Variants in NEDD1 observed in about 807,000 individuals in gnomAD.
The protein encoded by NEDD1 is protein NEDD1.
A neutral mutation model predicts 74.0 loss-of-function variants in NEDD1; 33 were observed. That is an observed-to-expected ratio of 0.45 (90% CI 0.34 to 0.60). NEDD1 has a LOEUF of 0.60. Among genes scored for constraint, NEDD1 ranks in the 20% least tolerant of loss-of-function variants. The probability of loss-of-function intolerance (pLI) is 0.01; values close to 1 mark genes in which losing one functional copy is unlikely to be tolerated. For missense variants in NEDD1, 746 were observed against 776.5 expected (o/e 0.96, Z 0.47); for synonymous variants, 250 against 264.4 (o/e 0.95, Z 0.53).
At chr12:96,917,584 TTAAATTAAGG>T (rs763840053) in intron 4 of NEDD1, 27 bp from the exon 5 acceptor site, 3 of 1,483,796 alleles carry the variant, frequency 2.0e-6, no homozygotes, top group Non-Finnish European at 1.8e-6. Flanking sequence ...CTGGGCTCTG[TTAAATTAAGG>T]TAACTTTTTT....
intron 14 of NEDD1, among the ~76,000 whole-genome samples, chr12:96,950,832 CTGAG>C (rs570448605): frequency 4.3e-4 from 66 of 151,758 alleles, no homozygotes; most frequent in Non-Finnish European, 7.1e-4. Context: ...TGGTGGGTGA[CTGAG>C]TGTTTCTTTT....
chr12:96,938,842 C>T (rs1234232175), intron 9 of NEDD1, among the ~76,000 whole-genome samples: 3 of 151,194 alleles, frequency 2.0e-5, no homozygotes, highest in Non-Finnish European at 4.4e-5. Context: ...CTCTCACACA[C>T]ACACACATTT....
At chr12:96,937,155 A>T in intron 8 of NEDD1, 43 bp from the exon 9 acceptor site, 1 of 1,134,036 alleles carries the variant, frequency 8.8e-7, no homozygotes, top group South Asian at 1.7e-5. Flanking sequence ...TATAGTATGA[A>T]ACATTAGTAA....
rs1592858793 is a variant in NEDD1 at position 96,913,957 on chromosome 12, A to G, written c.231+1140A>G. ...AGCTCAACTAATTTAAAGAGGACTC[A>G]TGATTTTTATCAATCCTCTCCTAAA... is the stretch of plus-strand genomic sequence containing the variant. On this transcript the variant is annotated intron_variant, in intron 4 of 15. Transcript: ENST00000266742. Among the ~76,000 whole-genome samples, 2 of 152,338 alleles carry G rather than the reference A, an allele frequency of 1.3e-5. 1 individual carries two copies. Among genetic ancestry groups the G allele is most frequent in the Middle Eastern group, 6.8e-3 (2 of 294 alleles).
intron 7 of NEDD1, among the ~76,000 whole-genome samples, chr12:96,935,679 T>C (rs1375717471): frequency 6.6e-6 from 1 of 152,122 alleles, no homozygotes; most frequent in Non-Finnish European, 1.5e-5. Flanking sequence ...CCAGACATTG[T>C]CAGATGTCCC....
Position 96,936,470 on chromosome 12 carries a change from T to C in NEDD1, c.720-141T>C. The C allele has an allele frequency of 1.6e-5, 10 of 612,226 alleles. 1 individual carries two copies. In the South Asian group the frequency reaches 2.0e-4, roughly 13 times the overall value. 37.9% of individuals were successfully genotyped at this position (612,226 alleles called of 1,614,324 possible). ...TAAGTCAAATTCTGAAATTATGCTT[T>C]AAACAAATATTTGGGATATGTGTGC... is the stretch of plus-strand genomic sequence containing the variant. On this transcript the variant is annotated intron_variant, in intron 7 of 15. Transcript: ENST00000266742.
In NEDD1 at chr12:96,907,265, G is replaced by A. The variant is rs1346820742; in HGVS notation, c.-297G>A. 4.2e-6 allele frequency: 1 copy of A among 237,978 alleles called. No homozygotes were observed. The highest frequency in any genetic ancestry group is 8.0e-6 in the Non-Finnish European group (1 of 124,654). 14.7% of individuals were successfully genotyped at this position (237,978 alleles called of 1,614,324 possible). On this transcript the variant is annotated 5_prime_UTR_variant, in exon 1 of 16. Transcript: ENST00000266742. ...GCGGGAGCCGGAAGCCCAGCGCGGA[G>A]CCGGCCGCGGCCCCCTGTTGTGTTG...
intron 1 of NEDD1, 63 bp downstream of exon 1, chr12:96,907,363 A>ATCCTAAGACCCGC (rs1303159092): frequency 4.7e-6 from 2 of 424,242 alleles, no homozygotes; most frequent in African/African-American, 4.2e-5. Context: ...CACCCTCCCG[A>ATCCTAAGACCCGC]TCCTAAGACC....
Position 96,934,977 on chromosome 12 carries a change from C to G in NEDD1, c.491C>G (p.Ser164Cys). The G allele has an allele frequency of 1.1e-5, 18 of 1,571,198 alleles. No individual in the cohort carries two copies. Among genetic ancestry groups the G allele is most frequent in the Non-Finnish European group, 1.6e-5 (18 of 1,141,394 alleles). ...AAATTTATTCTTTCATTTTTATAGT[C>G]TGTTCGGCACTTGAAGTACTCCTTG... ...STPFGHGSNQ[S>C]VRHLKYSLFK... The change falls in exon 7 of 16, where the codon TCT (serine) becomes TGT (cysteine). Residue 164 changes from serine (S) to cysteine (C), a missense_variant and splice_region_variant. By Grantham distance (112) the Ser-to-Cys change is moderately radical. This residue lies in a region of NEDD1 where 706 missense variants were observed against 706.7 expected (regional missense o/e 1.00). Transcript: ENST00000266742.
rs1874618551 is a variant in NEDD1 at position 96,917,716 on chromosome 12, AAG to A, written c.330_331del (p.Arg110SerfsTer6). 1.2e-5 allele frequency: 19 copies of A among 1,560,116 alleles called. No individual in the cohort carries two copies. The highest frequency in any genetic ancestry group is 2.5e-5 in the South Asian group (2 of 79,260). ...TVNIWDLKSK[R>X]VHRSLKDHKD... ...TTAATATTTGGGATTTAAAATCAAA[AAG>A]AGTTCATCGATCTCTTAAGGTAAGC... On this transcript the variant is annotated frameshift_variant, in exon 5 of 16. Transcript: ENST00000266742. LOFTEE classifies it high-confidence loss of function.
chr12:96,948,813 CT>C (rs943560186), intron 14 of NEDD1, among the ~76,000 whole-genome samples: 7 of 152,116 alleles, frequency 4.6e-5, no homozygotes, highest in African/African-American at 1.7e-4. Context: ...TATTCACTGT[CT>C]TTTTTACCTT....
intron 14 of NEDD1, among the ~76,000 whole-genome samples, chr12:96,948,720 G>A (rs1372466751): frequency 6.6e-6 from 1 of 152,052 alleles, no homozygotes; most frequent in African/African-American, 2.4e-5. Context: ...CTAGGTTCAG[G>A]TTTTCTTAGC....
intron 8 of NEDD1, 138 bp from the exon 9 acceptor site, chr12:96,937,059 GA>G (rs1877185778): frequency 2.0e-6 from 1 of 510,204 alleles, no homozygotes; most frequent in Non-Finnish European, 3.3e-6. Flanking sequence ...AATTTAGAGG[GA>G]AACTCAGGTC....
In NEDD1 at chr12:96,936,589, T is replaced by C. The variant is rs745410616; in HGVS notation, c.720-22T>C. 1.5e-5 allele frequency: 23 copies of C among 1,558,472 alleles called. No homozygotes were observed. In the Admixed American group the frequency reaches 3.7e-4, roughly 25 times the overall value. ...CTGTACACACTAACATTTCTACACA[T>C]ACTTTGTTCTCCTTTCCAAAGGCTA... On this transcript the variant is annotated intron_variant, in intron 7 of 15. Coordinates refer to ENST00000266742, the MANE Select transcript of NEDD1 (RefSeq NM_152905.4).
At chr12:96,921,202 G>C (rs772480190) in intron 6 of NEDD1, among the ~76,000 whole-genome samples, 1 of 152,102 alleles carries the variant, frequency 6.6e-6, no homozygotes, top group Non-Finnish European at 1.5e-5. Context: ...GGTTTTTTGA[G>C]GCGGAGTCTC....
chr12:96,930,209 ACACTCTCTCT>A (rs1876283705), intron 6 of NEDD1, among the ~76,000 whole-genome samples: 6 of 94,084 alleles, frequency 6.4e-5, no homozygotes, highest in African/African-American at 2.9e-4. Flanking sequence ...ACACACACAC[ACACTCTCTCT>A]CTCTCTCTCT....
intron 14 of NEDD1, 44 bp from the exon 15 acceptor site, chr12:96,951,386 TGG>T: frequency 9.2e-7 from 1 of 1,081,416 alleles, no homozygotes; most frequent in South Asian, 1.4e-5. Flanking sequence ...GACCTAGAAT[TGG>T]TTAAACTATT....
Position 96,907,643 on chromosome 12 carries a change from G to T in NEDD1, c.-222G>T. The T allele has an allele frequency of 6.4e-7, 1 of 1,550,914 alleles. No homozygotes were observed. Among genetic ancestry groups the T allele is most frequent in the Non-Finnish European group, 8.7e-7 (1 of 1,146,296 alleles). On this transcript the variant is annotated 5_prime_UTR_variant, in exon 2 of 16. Coordinates refer to ENST00000266742, the MANE Select transcript of NEDD1 (RefSeq NM_152905.4). ...TTTACAGGTTAGCCTCACTTGAGCT[G>T]TTGTCCTGCAAGTAAAGTGTATTTT...
At position 96,953,057 on chromosome 12, in the gene NEDD1, T is replaced by A. The variant is rs1169292145; in HGVS notation, c.*1004T>A. On this transcript the variant is annotated 3_prime_UTR_variant, in exon 16 of 16. Transcript: ENST00000266742. ...CAATAGATAGATGTATACATCTACC[T>A]ACTATGATCTACAATTTTAGGTTAA... is the stretch of plus-strand genomic sequence containing the variant. 3 of 151,566 alleles carry A rather than the reference T, an allele frequency of 2.0e-5. No homozygotes were observed. Among genetic ancestry groups the A allele is most frequent in the Non-Finnish European group, 4.4e-5 (3 of 67,650 alleles). 9.4% of individuals were successfully genotyped at this position (151,566 alleles called of 1,614,324 possible). A position where few individuals can be genotyped will look rare whatever the true frequency, so the allele number is the denominator to read the frequency against.
Sources: gnomAD v4.1 joint callset for allele counts (sites outside exome capture counted in the v4.1 genomes callset) on GRCh38, gnomAD v4.1.1 for gene constraint, gnomAD v4.1.1 regional missense constraint, MANE v1.5 for transcripts, NCBI Gene and HGNC (gene_info 2026-07-23, HGNC 2026-07-21) for gene names.